PABPC1: variants seen among roughly 807,000 people sequenced by gnomAD.
The protein encoded by PABPC1 is poly(A) binding protein cytoplasmic 1, also known as polyadenylate-binding protein 1.
In PABPC1, 4 loss-of-function variants were observed where a neutral mutation model predicts 74.0. That is an observed-to-expected ratio of 0.05 (90% CI 0.03 to 0.12). The LOEUF is 0.12. Ranked by LOEUF, PABPC1 falls within the 10% of genes least tolerant of loss-of-function variation. The pLI, the probability that PABPC1 is intolerant of heterozygous loss-of-function variation, is 1.00. For synonymous variants in PABPC1, 227 were observed against 264.1 expected, an observed-to-expected ratio of 0.86 and a Z score of 1.36; for missense variants, 271 against 821.1, an observed-to-expected ratio of 0.33 and a Z score of 8.19.
intron 14 of PABPC1, chr8:100,704,054 C>CA (rs34116624): frequency 0.09 from 15,804 of 176,108 alleles, 322 homozygotes; most frequent in African/African-American, 0.13. Context: ...AACTCCATCT[C>CA]AAAAAAAAAA....
intron 4 of PABPC1, among the ~76,000 whole-genome samples, chr8:100,715,122 TACACACACACAC>T (rs56819980): frequency 1.8e-4 from 23 of 131,398 alleles, no homozygotes; most frequent in East Asian, 6.5e-4. Context: ...GATCTCTAAT[TACACACACACAC>T]ACACACACAC....
chr8:100,708,636 G>A (rs1810444351), intron 9 of PABPC1, among the ~76,000 whole-genome samples: 1 of 152,144 alleles, frequency 6.6e-6, no homozygotes, highest in East Asian at 1.9e-4. Context: ...AACACTTTAG[G>A]AGGCTGAGGT....
intron 7 of PABPC1, among the ~76,000 whole-genome samples, chr8:100,711,411 C>A (rs1810524733): frequency 6.6e-6 from 1 of 152,206 alleles, no homozygotes. Context: ...AAGGCTGAGG[C>A]TGCAGTGAGC....
intron 11 of PABPC1, 61 bp downstream of exon 11, chr8:100,706,590 T>A: frequency 6.7e-7 from 1 of 1,493,868 alleles, no homozygotes; most frequent in Admixed American, 1.7e-5. Flanking sequence ...CCCAGCTGTC[T>A]TCACACCTTT....
In PABPC1 at chr8:100,721,294, C is replaced by T; in HGVS notation, c.193+97G>A. ...GTCGCGGGGTGACATGCCCTCCCGCCCCCCTCCCCGGGCCCGCCGGCCTAC... is the reference window on the plus strand; with the variant it reads ...GTCGCGGGGTGACATGCCCTCCCGCTCCCCTCCCCGGGCCCGCCGGCCTAC... On this transcript the variant is annotated intron_variant, in intron 1 of 14. Transcript: ENST00000318607. This position sits in a 1 kb window ranked among gnomAD's most constrained non-coding sequence, Gnocchi z 7.4. 2.1e-6 allele frequency: 1 copy of T among 469,980 alleles called. No individual in the cohort carries two copies. Among genetic ancestry groups the T allele is most frequent in the East Asian group, 1.3e-4 (1 of 7,880 alleles). The allele number at this position is 469,980 out of a possible 1,614,324, so 29.1% of individuals were successfully genotyped here. A position where few individuals can be genotyped will look rare whatever the true frequency, so the allele number is the denominator to read the frequency against.
chr8:100,711,718 C>T (rs947504095), intron 7 of PABPC1, among the ~76,000 whole-genome samples: 1 of 152,242 alleles, frequency 6.6e-6, no homozygotes, highest in Admixed American at 6.5e-5. Context: ...GAAGCTTCCT[C>T]GGACTTGCCA....
At chr8:100,719,057 A>G (rs1372926254) in intron 1 of PABPC1, among the ~76,000 whole-genome samples, 1 of 152,252 alleles carries the variant, frequency 6.6e-6, no homozygotes, top group African/African-American at 2.4e-5. Context: ...TGATTTAGTT[A>G]TTTCTGAATA....
At chr8:100,713,936 C>G (rs555289898) in intron 4 of PABPC1, among the ~76,000 whole-genome samples, 3 of 150,880 alleles carry the variant, frequency 2.0e-5, no homozygotes, top group Non-Finnish European at 4.4e-5. Context: ...AAAAAAAATT[C>G]TTTTTAAAGA....
Position 100,705,503 on chromosome 8 carries a change from A to G in PABPC1, c.1687+86T>C, listed in dbSNP as rs1587144162. ...CAATTCAGATCAATTCCACTGCCCT[A>G]GCTGTCAATTGATTGACCTAGTGCC... On this transcript the variant is annotated intron_variant, in intron 12 of 14. Transcript: ENST00000318607. 7.5e-6 allele frequency: 6 copies of G among 805,106 alleles called. No individual in the cohort carries two copies. The East Asian group carries it at 7.8e-5, about 10-fold the overall frequency. 49.9% of individuals were successfully genotyped at this position (805,106 alleles called of 1,614,324 possible).
intron 9 of PABPC1, among the ~76,000 whole-genome samples, chr8:100,707,724 C>T: frequency 6.6e-6 from 1 of 152,192 alleles, no homozygotes; most frequent in East Asian, 1.9e-4. Context: ...TGATGTCAGG[C>T]CCTCCACAAG....
intron 2 of PABPC1, 66 bp from the exon 3 acceptor site, chr8:100,717,954 A>T: frequency 7.2e-7 from 1 of 1,382,552 alleles, no homozygotes. Flanking sequence ...CAGTGTTGAG[A>T]GACAATCTGT....
In PABPC1 at chr8:100,709,453, A is replaced by T. The variant is rs748281780; in HGVS notation, c.1245+6T>A. 3.7e-5 allele frequency: 52 copies of T among 1,396,414 alleles called. No homozygotes were observed. Among genetic ancestry groups the T allele is most frequent in the Middle Eastern group, 2.0e-4 (1 of 4,944 alleles). The allele number at this position is 1,396,414 out of a possible 1,614,324, so 86.5% of individuals were successfully genotyped here. ...TTCATGGTTCTGGTTGCCTTCTAAA[A>T]CCTACCTGTGGGATAGCTGCCATGA... On this transcript the variant is annotated splice_donor_region_variant and intron_variant, in intron 8 of 14. Transcript: ENST00000318607.
At position 100,709,495 on chromosome 8, in the gene PABPC1, T is replaced by C. The variant is rs1810472011; in HGVS notation, c.1209A>G (p.Ala403=). The change falls in exon 8 of 15, where the codon GCA becomes GCG. Residue 403 remains alanine, a synonymous_variant. Transcript: ENST00000318607. ...CTGCCATGAAGTAACCTGAAGGAGGTGCTGGCTGGTAGGGGTTGATTACAG... is the reference window on the plus strand; with the variant it reads ...CTGCCATGAAGTAACCTGAAGGAGGCGCTGGCTGGTAGGGGTTGATTACAG... ...PNPVINPYQP[A]PPSGYFMAAI... is the part of the protein sequence containing the mutation. The C allele has an allele frequency of 6.2e-7, 1 of 1,613,944 alleles. No individual in the cohort carries two copies. The highest frequency in any genetic ancestry group is 1.7e-5 in the Admixed American group (1 of 59,966).
intron 3 of PABPC1, among the ~76,000 whole-genome samples, chr8:100,716,829 T>G (rs1413264055): frequency 6.6e-6 from 1 of 152,216 alleles, no homozygotes; most frequent in Non-Finnish European, 1.5e-5. Flanking sequence ...AAAGGCACAC[T>G]GCAGTAAAGC....
Position 100,721,575 on chromosome 8 carries a change from G to A in PABPC1, c.9C>T (p.Pro3=), listed in dbSNP as rs745924232. The A allele has an allele frequency of 8.2e-6, 13 of 1,587,252 alleles. 1 individual carries two copies. The highest frequency in any genetic ancestry group is 1.1e-5 in the South Asian group (1 of 88,936). The change falls in exon 1 of 15, where the codon CCC becomes CCT. Residue 3 remains proline (P), a synonymous_variant. Transcript: ENST00000318607. The surrounding 1 kb of genome is among the most constrained non-coding windows in gnomAD (Gnocchi z 7.4). MN[P]SAPSYPMASL... ...AGGCCATGGGGTAGCTGGGGGCACT[G>A]GGGTTCATCTCGGCACGGCTGCCCG...
At position 100,721,339 on chromosome 8, in the gene PABPC1, C is replaced by A. The variant is rs1384877980; in HGVS notation, c.193+52G>T. The A allele has an allele frequency of 1.8e-6, 2 of 1,138,304 alleles. No homozygotes were observed. The highest frequency in any genetic ancestry group is 3.3e-5 in the African/African-American group (2 of 60,538). 70.5% of individuals were successfully genotyped at this position (1,138,304 alleles called of 1,614,324 possible). ...GCCTACCCCGCCCGCCGCCGCCGCC[C>A]GAGCCTCATGGCCGCCCGCCCGCCC... On this transcript the variant is annotated intron_variant, in intron 1 of 14. Coordinates refer to ENST00000318607, the MANE Select transcript of PABPC1 (RefSeq NM_002568.4). This position sits in a 1 kb window ranked among gnomAD's most constrained non-coding sequence, Gnocchi z 7.4.
chr8:100,710,398 G>A (rs1330461527), intron 7 of PABPC1, among the ~76,000 whole-genome samples: 3 of 152,142 alleles, frequency 2.0e-5, no homozygotes, highest in Non-Finnish European at 2.9e-5. Context: ...GGAACAAACG[G>A]TAATAAAACA....
chr8:100,721,360 C>T lies in PABPC1; in HGVS notation c.193+31G>A, dbSNP rs952255581. The stretch of plus-strand genomic sequence containing the variant: ...CGCCCGAGCCTCATGGCCGCCCGCC[C>T]GCCCGGCCGACCGCGGAGCCCGGCG... On this transcript the variant is annotated intron_variant, in intron 1 of 14. Transcript: ENST00000318607. This position sits in a 1 kb window ranked among gnomAD's most constrained non-coding sequence, Gnocchi z 7.4. The T allele has an allele frequency of 1.4e-6, 2 of 1,384,554 alleles. No homozygotes were observed. Among genetic ancestry groups the T allele is most frequent in the Non-Finnish European group, 1.9e-6 (2 of 1,052,562 alleles). The allele number at this position is 1,384,554 out of a possible 1,614,324, so 85.8% of individuals were successfully genotyped here. A position where few individuals can be genotyped will look rare whatever the true frequency, so the allele number is the denominator to read the frequency against.
chr8:100,705,662 A>G lies in PABPC1; in HGVS notation c.1614T>C (p.His538=), dbSNP rs1810359705. The G allele has an allele frequency of 3.1e-6, 5 of 1,612,734 alleles. No individual in the cohort carries two copies. The highest frequency in any genetic ancestry group is 4.2e-6 in the Non-Finnish European group (5 of 1,178,714). The change falls in exon 12 of 15, where the codon CAT becomes CAC. Residue 538 remains histidine, a synonymous_variant. Coordinates refer to ENST00000318607, the MANE Select transcript of PABPC1 (RefSeq NM_002568.4). ...CAGTCAAAGGTTCCTGACCTTGTAC[A>G]TGAACAGCAGGCTAGACAGAAAATG... ...PQVTMQQPAV[H]VQGQEPLTAS... is the part of the protein sequence containing the mutation.
Sources: allele counts gnomAD v4.1 joint callset (sites outside exome capture counted in the v4.1 genomes callset), GRCh38; gene constraint gnomAD v4.1.1; non-coding constraint Gnocchi (gnomAD v3.1); transcripts MANE v1.5; gene names NCBI Gene and HGNC (gene_info 2026-07-23, HGNC 2026-07-21).